TBC1D4: variants seen among roughly 807,000 people sequenced by gnomAD.
TBC1D4 encodes the protein TBC1 domain family member 4, also known as TBC (Tre-2, BUB2, CDC16) domain-containing protein.
In TBC1D4, 121 loss-of-function variants were observed where a neutral mutation model predicts 142.5. The observed-to-expected ratio is 0.85, with a 90% confidence interval of 0.73 to 0.99. TBC1D4 has a LOEUF of 0.99. Among genes scored for constraint, TBC1D4 ranks in the 50% least tolerant of loss-of-function variants. TBC1D4 has a pLI of 0.00. For missense variants in TBC1D4, 1,475 were observed against 1,606.6 expected (o/e 0.92, Z 1.40); for synonymous variants, 630 against 628.2 (o/e 1.00, Z -0.04).
intron 5 of TBC1D4, among the ~76,000 whole-genome samples, chr13:75,344,027 G>T (rs1324188733): frequency 6.6e-6 from 1 of 151,252 alleles, no homozygotes; most frequent in East Asian, 2.0e-4. Flanking sequence ...TTTTAGTAGA[G>T]ACGGAGTTTC....
intron 1 of TBC1D4, chr13:75,376,161 C>T (rs1201732029): frequency 6.6e-6 from 1 of 152,044 alleles, no homozygotes; most frequent in Non-Finnish European, 1.5e-5. Flanking sequence ...AAAAGTAAGG[C>T]TGAACTAGGT....
chr13:75,339,804 C>A (rs1050784259), intron 7 of TBC1D4, among the ~76,000 whole-genome samples: 5 of 152,090 alleles, frequency 3.3e-5, no homozygotes, highest in Admixed American at 2.0e-4. Context: ...AAACTCCTGA[C>A]CTCGTGATTC....
intron 1 of TBC1D4, among the ~76,000 whole-genome samples, chr13:75,414,406 A>C (rs1566473442): frequency 6.6e-6 from 1 of 152,228 alleles, no homozygotes; most frequent in South Asian, 2.1e-4. Context: ...CACATCCCAT[A>C]AGCATGAGGA....
At chr13:75,326,141 A>T in intron 10 of TBC1D4, 56 bp downstream of exon 10, 1 of 1,587,420 alleles carries the variant, frequency 6.3e-7, no homozygotes, top group Non-Finnish European at 8.6e-7. Flanking sequence ...CTCCAGAGTA[A>T]TCAAAACTGT....
intron 8 of TBC1D4, among the ~76,000 whole-genome samples, chr13:75,335,440 A>C (rs1392685638): frequency 6.6e-6 from 1 of 152,184 alleles, no homozygotes; most frequent in Non-Finnish European, 1.5e-5. Context: ...TATACTTACT[A>C]AATGGAATAC....
Position 75,362,063 on chromosome 13 carries a change from G to GA in TBC1D4, c.1042_1043insT (p.Pro348LeufsTer18). ...GGTCCTGTTCTTCTCCGAGTCCGAGGGCTGGACGTGACTGGGTGCGCTCGC... is the reference window on the plus strand; with the variant it reads ...GGTCCTGTTCTTCTCCGAGTCCGAGGAGCTGGACGTGACTGGGTGCGCTCGC... On this transcript the variant is annotated frameshift_variant, in exon 2 of 21. Transcript: ENST00000377636. LOFTEE classifies it high-confidence loss of function. The surrounding 1 kb of genome is among the most constrained non-coding windows in gnomAD (Gnocchi z 4.2). 1 of 1,614,136 alleles carries GA rather than the reference G, an allele frequency of 6.2e-7. No homozygotes were observed. Among genetic ancestry groups the GA allele is most frequent in the Non-Finnish European group, 8.5e-7 (1 of 1,180,024 alleles).
chr13:75,481,275 T>C lies in TBC1D4; in HGVS notation c.493A>G (p.Ser165Gly), dbSNP rs374251306. 3.5e-6 allele frequency: 5 copies of C among 1,410,512 alleles called. No individual in the cohort carries two copies. In the African/African-American group the frequency reaches 7.3e-5, roughly 21 times the overall value. The allele number at this position is 1,410,512 out of a possible 1,614,324, so 87.4% of individuals were successfully genotyped here. The change falls in exon 1 of 21, where the codon AGC becomes GGC. Residue 165 changes from serine to glycine, a missense_variant. Coordinates refer to ENST00000377636, the MANE Select transcript of TBC1D4 (RefSeq NM_014832.5). Reference sequence around the variant, plus strand: ...CCTCCGAGCCCCTGTCTTGCCTGGCTGGGGTCTGTGGCGCGGAAAACGTGG... The same window carrying C: ...CCTCCGAGCCCCTGTCTTGCCTGGCCGGGGTCTGTGGCGCGGAAAACGTGG... Reference protein sequence around the residue: ...ACHVFRATDPSQVPDVISSIR... With the variant: ...ACHVFRATDPGQVPDVISSIR...
Position 75,302,303 on chromosome 13 carries a change from A to T in TBC1D4, c.2851T>A (p.Ser951Thr), listed in dbSNP as rs374094872. Residue 951 changes from serine to threonine, a missense_variant, in exon 16 of 21, where the codon TCC becomes ACC. Around this residue, in one of 2 missense-constraint regions of TBC1D4, gnomAD observed 1,227 missense variants for 1,267.7 expected, o/e 0.97. Transcript: ENST00000377636. ...AGCTGCTTCAAAAGTTCCTTATAGG[A>T]TATGTCAGGAGGCTGTTGTTTATTA... ...LPNKQQPPDI[S>T]YKELLKQLTA... 27 of 1,614,076 alleles carry T rather than the reference A, an allele frequency of 1.7e-5. No individual in the cohort carries two copies. The highest frequency in any genetic ancestry group is 2.2e-5 in the Non-Finnish European group (26 of 1,180,052).
intron 1 of TBC1D4, among the ~76,000 whole-genome samples, chr13:75,435,600 A>G (rs999536433): frequency 6.6e-5 from 10 of 152,202 alleles, no homozygotes; most frequent in African/African-American, 2.4e-4. Context: ...CATATATTTC[A>G]TATATCTGTC....
chr13:75,329,434 T>TTCTC (rs143605314), intron 8 of TBC1D4, among the ~76,000 whole-genome samples: 4 of 143,758 alleles, frequency 2.8e-5, no homozygotes, highest in African/African-American at 7.7e-5. Flanking sequence ...CTCTCTCTCT[T>TTCTC]TCTCTCTCTC....
At chr13:75,294,518 T>C (rs967156073) in intron 18 of TBC1D4, among the ~76,000 whole-genome samples, 2 of 152,228 alleles carry the variant, frequency 1.3e-5, no homozygotes, top group African/African-American at 4.8e-5. Context: ...AACATGTATA[T>C]AAAAATCTGG....
At chr13:75,313,018 A>T (rs981019619) in intron 12 of TBC1D4, 120 bp from the exon 13 acceptor site, 1 of 1,106,788 alleles carries the variant, frequency 9.0e-7, no homozygotes, top group East Asian at 2.5e-5. Flanking sequence ...AGCCACAGGC[A>T]ACATGGAGCA....
chr13:75,465,229 C>T (rs1888120577), intron 1 of TBC1D4, among the ~76,000 whole-genome samples: 1 of 152,122 alleles, frequency 6.6e-6, no homozygotes, highest in Non-Finnish European at 1.5e-5. Context: ...TCAACTAATG[C>T]TGTTTTTCAC....
chr13:75,453,408 G>A (rs1593902827), intron 1 of TBC1D4, among the ~76,000 whole-genome samples: 1 of 151,730 alleles, frequency 6.6e-6, no homozygotes, highest in Non-Finnish European at 1.5e-5. Flanking sequence ...ATTCTTCACC[G>A]AGTCATGTTT....
chr13:75,440,208 A>C (rs898147657), intron 1 of TBC1D4, among the ~76,000 whole-genome samples: 2 of 152,158 alleles, frequency 1.3e-5, no homozygotes, highest in Admixed American at 1.3e-4. Flanking sequence ...AAGAAAAAAA[A>C]AGAAGAAGGG....
At chr13:75,301,905 T>C (rs113759428) in intron 16 of TBC1D4, among the ~76,000 whole-genome samples, 1 of 152,196 alleles carries the variant, frequency 6.6e-6, no homozygotes, top group Non-Finnish European at 1.5e-5. Flanking sequence ...AAAACCAGCA[T>C]TGATTAAGAT....
intron 10 of TBC1D4, 95 bp downstream of exon 10, chr13:75,326,102 C>G: frequency 7.1e-7 from 1 of 1,401,502 alleles, no homozygotes; most frequent in Middle Eastern, 1.8e-4. Context: ...TAAAAGTTGG[C>G]TACAGCATAA....
Position 75,326,185 on chromosome 13 carries a change from G to C in TBC1D4, c.2033+12C>G. ...AGAATCTAGGTCTCATTCTGGAGAG[G>C]GTCAGACTCACCTGCACTGTTCACT... On this transcript the variant is annotated intron_variant, in intron 10 of 20. Transcript: ENST00000377636. 6.2e-7 allele frequency: 1 copy of C among 1,613,684 alleles called. No individual in the cohort carries two copies. Among genetic ancestry groups the C allele is most frequent in the Non-Finnish European group, 8.5e-7 (1 of 1,179,748 alleles).
At chr13:75,439,778 T>A (rs1886959004) in intron 1 of TBC1D4, among the ~76,000 whole-genome samples, 1 of 152,000 alleles carries the variant, frequency 6.6e-6, no homozygotes, top group Admixed American at 6.6e-5. Context: ...GGCACGTGCC[T>A]ATAATCCCAG....
Sources: allele counts gnomAD v4.1 joint callset (sites outside exome capture counted in the v4.1 genomes callset), GRCh38; gene constraint gnomAD v4.1.1; regional missense constraint gnomAD v4.1.1; non-coding constraint Gnocchi (gnomAD v3.1); transcripts MANE v1.5; gene names NCBI Gene and HGNC (gene_info 2026-07-23, HGNC 2026-07-21).